Variants in PITPNC1 observed in about 807,000 individuals in gnomAD.
The protein encoded by PITPNC1 is phosphatidylinositol transfer protein cytoplasmic 1.
Under a neutral mutation model 44.7 loss-of-function variants are expected in PITPNC1, and 18 were observed. That is an observed-to-expected ratio of 0.40 (90% confidence interval 0.28 to 0.60). The LOEUF is 0.60. Ranked by LOEUF, PITPNC1 falls within the 20% of genes least tolerant of loss-of-function variation. The pLI, the probability that PITPNC1 is intolerant of heterozygous loss-of-function variation, is 0.39. For synonymous variants in PITPNC1, 141 were observed against 149.6 expected, an observed-to-expected ratio of 0.94 and a Z score of 0.42; for missense variants, 290 against 418.4, an observed-to-expected ratio of 0.69 and a Z score of 2.68.
chr17:67,614,544 T>C (rs2706698), intron 5 of PITPNC1, among the ~76,000 whole-genome samples: 65,244 of 151,078 alleles, frequency 0.43, 15,700 homozygotes, highest in African/African-American at 0.66. Context: ...TGGTGGCACA[T>C]GGCTGTAGTC....
chr17:67,611,160 T>C (rs963377744), intron 5 of PITPNC1: 3 of 152,192 alleles, frequency 2.0e-5, no homozygotes, highest in African/African-American at 7.2e-5. Flanking sequence ...ATGTATGAGA[T>C]ACTAGAAGAA....
At chr17:67,577,132 A>T (rs946432450) in intron 4 of PITPNC1, among the ~76,000 whole-genome samples, 1 of 151,966 alleles carries the variant, frequency 6.6e-6, no homozygotes, top group African/African-American at 2.4e-5. Context: ...AAAAAATTTT[A>T]AAAATCCGCC....
intron 6 of PITPNC1, among the ~76,000 whole-genome samples, chr17:67,648,780 G>A (rs2042178339): frequency 6.6e-6 from 1 of 152,150 alleles, no homozygotes. Flanking sequence ...GTCATTGGGA[G>A]TATACTTCTT....
intron 1 of PITPNC1, among the ~76,000 whole-genome samples, chr17:67,476,204 G>C (rs1274487965): frequency 2.0e-5 from 1 of 51,024 alleles, no homozygotes; most frequent in African/African-American, 8.2e-5. Context: ...TTTTTTTTTT[G>C]AGATGGAGTC....
intron 5 of PITPNC1, among the ~76,000 whole-genome samples, chr17:67,614,838 C>A (rs1032373255): frequency 2.6e-5 from 4 of 151,626 alleles, no homozygotes; most frequent in Non-Finnish European, 5.9e-5. Context: ...TATAGTGGGA[C>A]CCCGTCTCTA....
At chr17:67,605,744 C>A (rs2041599700) in intron 5 of PITPNC1, among the ~76,000 whole-genome samples, 1 of 152,166 alleles carries the variant, frequency 6.6e-6, no homozygotes, top group Non-Finnish European at 1.5e-5. Flanking sequence ...AGACAGAAAC[C>A]AGCCACCTGC....
At chr17:67,443,047 A>G (rs2039037696) in intron 1 of PITPNC1, among the ~76,000 whole-genome samples, 1 of 151,932 alleles carries the variant, frequency 6.6e-6, no homozygotes, top group African/African-American at 2.4e-5. Flanking sequence ...ACCAGTGATC[A>G]TGTCACTTTC....
chr17:67,694,387 C>T lies in PITPNC1; in HGVS notation c.*1499C>T, dbSNP rs1599014110. ...AAGGGACCTTCCCAAAACACAGATCCCAAAGGAAACAAAATAGACCAAGGA... is the reference window on the plus strand; with the variant it reads ...AAGGGACCTTCCCAAAACACAGATCTCAAAGGAAACAAAATAGACCAAGGA... On this transcript the variant is annotated 3_prime_UTR_variant, in exon 9 of 9. Transcript: ENST00000581322. 6.6e-6 allele frequency: 1 copy of T among 152,356 alleles called. No individual in the cohort carries two copies. The highest frequency in any genetic ancestry group is 2.1e-4 in the South Asian group (1 of 4,828). The allele number at this position is 152,356 out of a possible 1,614,324, so 9.4% of individuals were successfully genotyped here.
chr17:67,519,337 T>C (rs908888455), intron 1 of PITPNC1, among the ~76,000 whole-genome samples: 2 of 151,948 alleles, frequency 1.3e-5, no homozygotes, highest in African/African-American at 4.8e-5. Flanking sequence ...CCACCACACC[T>C]GGCTAATTTT....
chr17:67,403,743 C>A (rs537717464), intron 1 of PITPNC1, among the ~76,000 whole-genome samples: 2 of 152,218 alleles, frequency 1.3e-5, no homozygotes, highest in South Asian at 4.2e-4. Context: ...TGGGCTTGGA[C>A]TGGCGTTATG....
At chr17:67,498,845 G>C (rs1019008405) in intron 1 of PITPNC1, among the ~76,000 whole-genome samples, 1 of 149,546 alleles carries the variant, frequency 6.7e-6, no homozygotes, top group Non-Finnish European at 1.5e-5. Flanking sequence ...AGTCACTTGT[G>C]TATCTTCTTT....
intron 1 of PITPNC1, among the ~76,000 whole-genome samples, chr17:67,460,020 T>C (rs923951699): frequency 1.1e-4 from 16 of 152,204 alleles, no homozygotes; most frequent in African/African-American, 3.9e-4. Context: ...CTCCCAGCTT[T>C]CCCACCATCC....
In PITPNC1 at chr17:67,693,099, A is replaced by G. The variant is rs1385131198; in HGVS notation, c.*211A>G. 87 of 525,178 alleles carry G rather than the reference A, an allele frequency of 1.7e-4. No individual in the cohort carries two copies. The highest frequency in any genetic ancestry group is 6.3e-5 in the Non-Finnish European group (19 of 299,900). The allele number at this position is 525,178 out of a possible 1,614,324, so 32.5% of individuals were successfully genotyped here. The stretch of plus-strand genomic sequence containing the variant: ...TTAGATGTAAGATGTAAGACTTGCA[A>G]AGGACAGAAGGAATCTTCTGTAACC... On this transcript the variant is annotated 3_prime_UTR_variant, in exon 9 of 9. Transcript: ENST00000581322.
intron 1 of PITPNC1, among the ~76,000 whole-genome samples, chr17:67,427,830 G>A (rs889902539): frequency 3.9e-5 from 6 of 152,154 alleles, no homozygotes; most frequent in East Asian, 1.9e-4. Context: ...GCATTCCTTC[G>A]TGAGCAAGGT....
At chr17:67,513,661 G>A (rs1353417557) in intron 1 of PITPNC1, among the ~76,000 whole-genome samples, 1 of 151,970 alleles carries the variant, frequency 6.6e-6, no homozygotes, top group Admixed American at 6.6e-5. Flanking sequence ...ACGGCTGGAA[G>A]GGGGCTTCCC....
At chr17:67,585,848 T>C (rs2041308265) in intron 5 of PITPNC1, among the ~76,000 whole-genome samples, 1 of 152,034 alleles carries the variant, frequency 6.6e-6, no homozygotes, top group African/African-American at 2.4e-5. Flanking sequence ...CGTGAAGACG[T>C]AGGGAGAAGG....
intron 1 of PITPNC1, among the ~76,000 whole-genome samples, chr17:67,420,427 CTCT>C (rs1392498992): frequency 1.5e-4 from 21 of 137,838 alleles, no homozygotes; most frequent in African/African-American, 5.4e-4. Flanking sequence ...CTCTTCTCTT[CTCT>C]TTTCTTTTCT....
intron 1 of PITPNC1, among the ~76,000 whole-genome samples, chr17:67,526,982 T>C (rs1270136489): frequency 6.6e-6 from 1 of 151,954 alleles, no homozygotes; most frequent in Non-Finnish European, 1.5e-5. Context: ...GTCTGCAGCA[T>C]GGAACTGTCT....
At chr17:67,536,700 A>T in intron 2 of PITPNC1, among the ~76,000 whole-genome samples, 1 of 152,190 alleles carries the variant, frequency 6.6e-6, no homozygotes, top group South Asian at 2.1e-4. Flanking sequence ...ACAAATTTGG[A>T]TGGTAAAATA....
Sources: allele counts gnomAD v4.1 joint callset (sites outside exome capture counted in the v4.1 genomes callset), GRCh38; gene constraint gnomAD v4.1.1; transcripts MANE v1.5; gene names NCBI Gene and HGNC (gene_info 2026-07-23, HGNC 2026-07-21).